CRB1: variants seen among roughly 807,000 people sequenced by gnomAD.
CRB1 encodes the protein crumbs cell polarity complex component 1.
A neutral mutation model predicts 120.0 loss-of-function variants in CRB1; 83 were observed. That is an observed-to-expected ratio of 0.69 (90% confidence interval 0.58 to 0.83). The LOEUF is 0.83. Among genes scored for constraint, CRB1 ranks in the 40% least tolerant of loss-of-function variants. CRB1 has a pLI of 0.00. For synonymous variants in CRB1, 625 were observed against 612.5 expected (o/e 1.02, Z -0.30); for missense variants, 1,699 against 1,687.6 (o/e 1.01, Z -0.12).
the CRB1 span, among the ~76,000 whole-genome samples, chr1:197,219,285 G>A: frequency 6.6e-6 from 1 of 152,216 alleles, no homozygotes; most frequent in Non-Finnish European, 1.5e-5. Flanking sequence ...GAATTCTGTG[G>A]TAACTAGTTT....
At chr1:197,446,796 CTT>C (rs923683299) in intron 11 of CRB1, among the ~76,000 whole-genome samples, 1 of 152,032 alleles carries the variant, frequency 6.6e-6, no homozygotes, top group African/African-American at 2.4e-5. Flanking sequence ...GGGGTGATAA[CTT>C]AAATTTGGTG....
chr1:197,426,855 C>A (rs1238605103), intron 6 of CRB1, among the ~76,000 whole-genome samples: 1 of 152,098 alleles, frequency 6.6e-6, no homozygotes, highest in African/African-American at 2.4e-5. Flanking sequence ...TATTTACAGA[C>A]TAAAAACCTG....
intron 1 of CRB1, among the ~76,000 whole-genome samples, chr1:197,308,532 A>C (rs1002152538): frequency 2.6e-5 from 4 of 152,232 alleles, no homozygotes; most frequent in Admixed American, 2.6e-4. Flanking sequence ...AATCTATATA[A>C]AAATTTTTAA....
chr1:197,240,073 A>G, the CRB1 span, among the ~76,000 whole-genome samples: 1 of 151,950 alleles, frequency 6.6e-6, no homozygotes, highest in Non-Finnish European at 1.5e-5. Flanking sequence ...TCAGTGTTAT[A>G]ATTTTTGCTT....
At chr1:197,279,272 A>G (rs796520395) in intron 1 of CRB1, among the ~76,000 whole-genome samples, 11 of 151,960 alleles carry the variant, frequency 7.2e-5, no homozygotes, top group African/African-American at 2.6e-4. Flanking sequence ...TTTACATTTT[A>G]TATATCAATG....
the CRB1 span, among the ~76,000 whole-genome samples, chr1:197,221,786 C>G: frequency 1.1e-4 from 17 of 152,150 alleles, no homozygotes; most frequent in African/African-American, 4.1e-4. Context: ...CTTTGTATAT[C>G]TAACCACCTA....
At position 197,328,922 on chromosome 1, in the gene CRB1, G is replaced by T; in HGVS notation, c.571G>T (p.Ala191Ser). The T allele has an allele frequency of 1.2e-6, 2 of 1,614,248 alleles. No individual in the cohort carries two copies. Among genetic ancestry groups the T allele is most frequent in the Non-Finnish European group, 1.7e-6 (2 of 1,180,052 alleles). Residue 191 changes from alanine (A) to serine (S), a missense_variant, in exon 2 of 12, where the codon GCT becomes TCT. Physicochemically the swap from Ala to Ser is moderately conservative, Grantham distance 99. Transcript: ENST00000367400. ...RHCDLEVDECASDPCKNEATC... is the reference protein window; with the variant it reads ...RHCDLEVDECSSDPCKNEATC... ...CTGCGACTTGGAAGTGGATGAATGTGCTTCAGATCCCTGCAAGAACGAGGC... is the reference window on the plus strand; with the variant it reads ...CTGCGACTTGGAAGTGGATGAATGTTCTTCAGATCCCTGCAAGAACGAGGC...
chr1:197,465,342 T>C (rs1036281520), intron 11 of CRB1, among the ~76,000 whole-genome samples: 19 of 152,202 alleles, frequency 1.2e-4, no homozygotes, highest in Non-Finnish European at 2.5e-4. Context: ...TTTTGCGTAT[T>C]TAGGTGAACT....
At chr1:197,387,226 C>T (rs964028513) in intron 5 of CRB1, among the ~76,000 whole-genome samples, 4 of 151,998 alleles carry the variant, frequency 2.6e-5, no homozygotes, top group East Asian at 3.9e-4. Flanking sequence ...CCTCAGCCTC[C>T]GGAAATATAA....
chr1:197,357,062 C>T, intron 5 of CRB1, 49 bp downstream of exon 5: 2 of 1,574,278 alleles, frequency 1.3e-6, no homozygotes, highest in Non-Finnish European at 1.7e-6. Context: ...TATTTTATGG[C>T]AGACCATGGC....
chr1:197,409,821 C>T (rs1217820231), intron 5 of CRB1, among the ~76,000 whole-genome samples: 3 of 152,060 alleles, frequency 2.0e-5, no homozygotes, highest in African/African-American at 7.2e-5. Context: ...GTCGTTCTGT[C>T]GCGCAGGCTG....
At chr1:197,285,169 T>C (rs938156366) in intron 1 of CRB1, among the ~76,000 whole-genome samples, 1 of 151,848 alleles carries the variant, frequency 6.6e-6, no homozygotes, top group Admixed American at 6.6e-5. Context: ...ACTGGGAATA[T>C]TGGTTGAAGG....
chr1:197,306,811 CA>C (rs1185896605), intron 1 of CRB1, among the ~76,000 whole-genome samples: 2 of 152,174 alleles, frequency 1.3e-5, no homozygotes, highest in Non-Finnish European at 2.9e-5. Flanking sequence ...GTCATTTTCA[CA>C]GCAGACAAAA....
At chr1:197,272,451 CT>C (rs796103050) in intron 1 of CRB1, among the ~76,000 whole-genome samples, 23 of 151,896 alleles carry the variant, frequency 1.5e-4, no homozygotes, top group African/African-American at 4.6e-4. Flanking sequence ...GAATTGCATG[CT>C]TTTTTTTCAT....
At position 197,429,587 on chromosome 1, in the gene CRB1, T is replaced by G; in HGVS notation, c.2815T>G (p.Cys939Gly). The stretch of plus-strand genomic sequence containing the variant: ...CAGCCCGTGTCCTCACGGAGCCCAG[T>G]GCCAGCCGGTGCTTCAAGGATTTGA... ...GFSPCPHGAQ[C>G]QPVLQGFECI... Residue 939 changes from cysteine to glycine, a missense_variant, in exon 8 of 12, where the codon TGC becomes GGC. Cys to Gly is a radical substitution (Grantham distance 159, BLOSUM62 -3). Transcript: ENST00000367400. The G allele has an allele frequency of 6.2e-7, 1 of 1,614,024 alleles. No homozygotes were observed. Among genetic ancestry groups the G allele is most frequent in the Non-Finnish European group, 8.5e-7 (1 of 1,179,954 alleles).
intron 2 of CRB1, among the ~76,000 whole-genome samples, chr1:197,329,907 G>A (rs1037377806): frequency 3.3e-5 from 5 of 152,056 alleles, no homozygotes; most frequent in Admixed American, 1.3e-4. Context: ...AGCACTTGCC[G>A]TTTTTGTACC....
chr1:197,424,993 C>T (rs1367628030), intron 6 of CRB1, among the ~76,000 whole-genome samples: 1 of 152,052 alleles, frequency 6.6e-6, no homozygotes, highest in Non-Finnish European at 1.5e-5. Context: ...AATAGGATTG[C>T]TGAAGAATCA....
chr1:197,469,632 GA>G (rs953123147), intron 11 of CRB1, among the ~76,000 whole-genome samples: 12 of 151,262 alleles, frequency 7.9e-5, no homozygotes, highest in Non-Finnish European at 1.3e-4. Context: ...GAGAAGAAAA[GA>G]AAAAAAAGGG....
At chr1:197,317,382 C>T (rs993326355) in intron 1 of CRB1, among the ~76,000 whole-genome samples, 3 of 152,086 alleles carry the variant, frequency 2.0e-5, no homozygotes, top group Admixed American at 2.0e-4. Context: ...CACGCCTTTG[C>T]ACTCCAGCCT....
Sources: gnomAD v4.1 joint callset for allele counts (sites outside exome capture counted in the v4.1 genomes callset) on GRCh38, gnomAD v4.1.1 for gene constraint, MANE v1.5 for transcripts, NCBI Gene and HGNC (gene_info 2026-07-23, HGNC 2026-07-21) for gene names.